The following ABCG1 variants were observed in gnomAD, a reference collection of about 807,000 sequenced individuals.
ABCG1 encodes the protein ATP binding cassette subfamily G member 1, also known as ATP-binding cassette sub-family G member 1.
A neutral mutation model predicts 69.2 loss-of-function variants in ABCG1; 29 were observed. The observed-to-expected ratio is 0.42, with a 90% CI of 0.31 to 0.57. The LOEUF is 0.57. ABCG1 is among the 20% of genes least tolerant of loss of function. The pLI is 0.15. For missense variants in ABCG1, 718 were observed against 898.1 expected (o/e 0.80, Z 2.56); for synonymous variants, 370 against 374.8 (o/e 0.99, Z 0.15).
At chr21:42,259,335 G>C in intron 2 of ABCG1, 1 of 1,549,790 alleles carries the variant, frequency 6.5e-7, no homozygotes, top group Non-Finnish European at 8.7e-7. Flanking sequence ...GCATGTACAG[G>C]TGGCAGCTTT....
At chr21:42,226,182 T>A (rs2067814307) in intron 2 of ABCG1, among the ~76,000 whole-genome samples, 1 of 152,200 alleles carries the variant, frequency 6.6e-6, no homozygotes, top group Admixed American at 6.5e-5. Context: ...GATTGACGGG[T>A]GTCAAAGTGT....
upstream of ABCG1, chr21:42,219,006 G>T: frequency 4.4e-6 from 1 of 228,858 alleles, no homozygotes. This position sits in a 1 kb window ranked among gnomAD's most constrained non-coding sequence, Gnocchi z 5.3. Context: ...AGGGGTCCTG[G>T]TCCGCCGCCC....
At position 42,270,975 on chromosome 21, in the gene ABCG1, G is replaced by A. The variant is rs991086924; in HGVS notation, c.287-95G>A. On this transcript the variant is annotated intron_variant, in intron 2 of 14. Transcript: ENST00000398449. ...TTTTCTATGATGCATGTCAAAGGTT[G>A]CCTTTGGCCTTGGTCATGTGTACTT... 1.2e-5 allele frequency: 9 copies of A among 738,612 alleles called. No homozygotes were observed. The African/African-American group carries it at 1.6e-4, about 14-fold the overall frequency. 45.8% of individuals were successfully genotyped at this position (738,612 alleles called of 1,614,324 possible). A position where few individuals can be genotyped will look rare whatever the true frequency, so the allele number is the denominator to read the frequency against.
At chr21:42,220,010 C>T in intron 1 of ABCG1, 1 of 1,553,358 alleles carries the variant, frequency 6.4e-7, no homozygotes. Flanking sequence ...AGAGGGATGG[C>T]GGGGTGTCGG....
rs542643049 is a variant in ABCG1, at chr21:42,290,015, C to T, written c.1225-35C>T. ...GTTCTCTGAGCCGAGGACGGCTTTG[C>T]GAACGCACTGGGTAAGATGCGGGTC... On this transcript the variant is annotated intron_variant, in intron 10 of 14. Transcript: ENST00000398449. 2.4e-5 allele frequency: 38 copies of T among 1,613,886 alleles called. 1 individual carries two copies. The South Asian group carries it at 2.6e-4, about 11-fold the overall frequency.
chr21:42,288,445 T>C lies in ABCG1; in HGVS notation c.1224+133T>C, dbSNP rs2068990993. ...TCATGAGGCCAGGCATGGTGACTCATGTCTGTAACCCCAGCACTTTGGGAG... is the reference window on the plus strand; with the variant it reads ...TCATGAGGCCAGGCATGGTGACTCACGTCTGTAACCCCAGCACTTTGGGAG... On this transcript the variant is annotated intron_variant, in intron 10 of 14. Transcript: ENST00000398449. The surrounding 1 kb of genome is among the most constrained non-coding windows in gnomAD (Gnocchi z 4.8). 1 of 705,166 alleles carries C rather than the reference T, an allele frequency of 1.4e-6. No individual in the cohort carries two copies. Among genetic ancestry groups the C allele is most frequent in the Admixed American group, 2.5e-5 (1 of 40,358 alleles). The allele number at this position is 705,166 out of a possible 1,614,324, so 43.7% of individuals were successfully genotyped here.
chr21:42,277,084 C>A, intron 5 of ABCG1, 139 bp downstream of exon 5: 2 of 897,540 alleles, frequency 2.2e-6, no homozygotes, highest in Non-Finnish European at 3.6e-6. Flanking sequence ...GTGGGACAGG[C>A]AACATTTCAG....
intron 2 of ABCG1, among the ~76,000 whole-genome samples, chr21:42,253,463 G>A (rs560243435): frequency 6.6e-6 from 1 of 152,346 alleles, no homozygotes; most frequent in African/African-American, 2.4e-5. Context: ...GTCAAGAGCT[G>A]CTTTGGGTCT....
intron 2 of ABCG1, chr21:42,256,504 T>A: frequency 6.5e-7 from 1 of 1,549,824 alleles, no homozygotes; most frequent in Non-Finnish European, 8.7e-7. Flanking sequence ...TGGCTCCAGG[T>A]CACCTGCGTG....
intron 2 of ABCG1, chr21:42,260,132 G>C (rs557949393): frequency 1.0e-5 from 16 of 1,550,534 alleles, no homozygotes; most frequent in Non-Finnish European, 1.4e-5. Flanking sequence ...GCGATCCCAT[G>C]GAGGAAGGTG....
At position 42,225,711 on chromosome 21, in the gene ABCG1, C is replaced by T. The variant is rs916407874; in HGVS notation, c.83C>T (p.Ser28Leu). The T allele has an allele frequency of 5.0e-6, 8 of 1,613,290 alleles. No homozygotes were observed. Among genetic ancestry groups the T allele is most frequent in the Admixed American group, 3.3e-5 (2 of 59,928 alleles). Residue 28 changes from serine to leucine, a missense_variant, in exon 2 of 15, where the codon TCG becomes TTG. Coordinates refer to ENST00000398449, the MANE Select transcript of ABCG1 (RefSeq NM_016818.3). ...TCTGCAGAGATGACGGAGCCCAAGTCGGTGTGTGTCTCGGTGGATGAGGTG... is the reference window on the plus strand; with the variant it reads ...TCTGCAGAGATGACGGAGCCCAAGTTGGTGTGTGTCTCGGTGGATGAGGTG... ...SYSAEMTEPK[S>L]VCVSVDEVVS...
At position 42,282,366 on chromosome 21, in the gene ABCG1, C is replaced by T. The variant is rs574794167; in HGVS notation, c.681C>T (p.Ile227=). 42 of 1,613,900 alleles carry T rather than the reference C, an allele frequency of 2.6e-5. No homozygotes were observed. The highest frequency in any genetic ancestry group is 6.7e-5 in the African/African-American group (5 of 75,070). Residue 227 remains isoleucine, a synonymous_variant, in exon 6 of 15, where the codon ATC becomes ATT. Transcript: ENST00000398449. ...GTGGTCAGCGCAAGCGCCTGGCCAT[C>T]GCGCTGGAGCTGGTGAACAACCCTC... The part of the protein sequence containing the change: ...LSGGQRKRLA[I]ALELVNNPPV...
chr21:42,218,917 C>A (rs1401031054), upstream of ABCG1, among the ~76,000 whole-genome samples: 3 of 152,198 alleles, frequency 2.0e-5, no homozygotes, highest in Non-Finnish European at 4.4e-5. Flanking sequence ...AGTTCGGGAC[C>A]CGGGGTTTCC....
chr21:42,290,559 G>A (rs988153197), intron 11 of ABCG1, among the ~76,000 whole-genome samples: 1 of 152,212 alleles, frequency 6.6e-6, no homozygotes, highest in Non-Finnish European at 1.5e-5. Flanking sequence ...GCTCTGCACA[G>A]CCCACTTCGG....
intron 1 of ABCG1, among the ~76,000 whole-genome samples, chr21:42,224,935 A>C (rs1057187419): frequency 6.6e-6 from 1 of 150,630 alleles, no homozygotes; most frequent in Non-Finnish European, 1.5e-5. Context: ...CAGTGAAATG[A>C]ACACCTATCT....
At chr21:42,207,665 G>A (rs534002774) in intron 2 of ABCG1, among the ~76,000 whole-genome samples, 20 of 152,314 alleles carry the variant, frequency 1.3e-4, no homozygotes, top group African/African-American at 4.1e-4. Context: ...ACCAGGCAAG[G>A]GTAGAAGTCC....
intron 1 of ABCG1, among the ~76,000 whole-genome samples, chr21:42,201,105 G>A (rs2067503047): frequency 6.6e-6 from 1 of 151,742 alleles, no homozygotes; most frequent in Admixed American, 6.6e-5. Flanking sequence ...GCCACCAGAT[G>A]TAGCTTAACT....
Position 42,290,195 on chromosome 21 carries a change from C to G in ABCG1, c.1370C>G (p.Ala457Gly). The G allele has an allele frequency of 6.2e-7, 1 of 1,614,166 alleles. No individual in the cohort carries two copies. Among genetic ancestry groups the G allele is most frequent in the Non-Finnish European group, 8.5e-7 (1 of 1,180,024 alleles). The change falls in exon 11 of 15, where the codon GCC becomes GGC. Residue 457 changes from alanine to glycine, a missense_variant. Ala to Gly is a moderately conservative substitution (Grantham distance 60). Transcript: ENST00000398449. Reference protein sequence around the residue: ...FFSMLFLMFAALMPTVLTFPL... With the variant: ...FFSMLFLMFAGLMPTVLTFPL... ...TCCATGCTGTTCCTCATGTTCGCGG[C>G]CCTCATGCCTACTGTTCTGACATGT...
chr21:42,208,223 CT>C (rs35946579), intron 2 of ABCG1, among the ~76,000 whole-genome samples: 2,346 of 133,608 alleles, frequency 0.018, 21 homozygotes, highest in Middle Eastern at 0.023. Context: ...TTTGTTGGGA[CT>C]TTTTTTTTTT....
Sources: allele counts gnomAD v4.1 joint callset (sites outside exome capture counted in the v4.1 genomes callset), GRCh38; gene constraint gnomAD v4.1.1; non-coding constraint Gnocchi (gnomAD v3.1); transcripts MANE v1.5; gene names NCBI Gene and HGNC (gene_info 2026-07-23, HGNC 2026-07-21).